Variants in TEX26 observed in about 807,000 individuals in gnomAD.
TEX26 encodes the protein testis-expressed protein 26.
In TEX26, 34 loss-of-function variants were observed where a neutral mutation model predicts 35.3. The ratio of observed to expected loss-of-function variants is 0.96; its 90% CI spans 0.73 to 1.28. The LOEUF is 1.28. Among genes scored for constraint, TEX26 ranks in the 50% most tolerant of loss-of-function variants. The pLI is 0.00. For synonymous variants in TEX26, 136 were observed against 111.8 expected (o/e 1.22, Z -1.36); for missense variants, 371 against 330.1 (o/e 1.12, Z -0.96).
chr13:30,933,396 G>C (rs1286948231), intron 1 of TEX26: 2 of 152,316 alleles, frequency 1.3e-5, no homozygotes, highest in African/African-American at 4.8e-5. Context: ...AGGTTCACCA[G>C]TTCAGCCTTT....
In TEX26 at chr13:30,939,690, T is replaced by C; in HGVS notation, c.62-4T>C. On this transcript the variant is annotated splice_polypyrimidine_tract_variant and splice_region_variant and intron_variant, in intron 1 of 6. Coordinates refer to ENST00000380473, the MANE Select transcript of TEX26 (RefSeq NM_152325.3). ...TATTTAAAACTGCTTTATTGTACTT[T>C]TAGCAGATGACCCCAACTGGGATTC... 6.2e-7 allele frequency: 1 copy of C among 1,613,200 alleles called. No homozygotes were observed. The highest frequency in any genetic ancestry group is 8.5e-7 in the Non-Finnish European group (1 of 1,179,172).
intron 6 of TEX26, among the ~76,000 whole-genome samples, chr13:30,969,840 T>G (rs536868203): frequency 1.3e-5 from 2 of 149,034 alleles, no homozygotes; most frequent in Non-Finnish European, 2.9e-5. Context: ...CAGAAGGAAG[T>G]AAAAAATATC....
At chr13:30,950,160 C>A (rs907028842) in intron 2 of TEX26, among the ~76,000 whole-genome samples, 3 of 152,214 alleles carry the variant, frequency 2.0e-5, no homozygotes, top group Non-Finnish European at 4.4e-5. Flanking sequence ...AATCCCAACA[C>A]TTTGGGAGGC....
chr13:30,951,992 T>TATTCTG (rs1245306709), intron 2 of TEX26, among the ~76,000 whole-genome samples: 7 of 144,024 alleles, frequency 4.9e-5, no homozygotes, highest in African/African-American at 1.8e-4. Context: ...ACAGAATCAT[T>TATTCTG]ATTCTGGGAT....
intron 2 of TEX26, among the ~76,000 whole-genome samples, chr13:30,950,687 T>C (rs1482097948): frequency 2.0e-5 from 3 of 152,112 alleles, no homozygotes; most frequent in East Asian, 3.9e-4. Flanking sequence ...CACACATACC[T>C]AGTACCCTGG....
At chr13:30,938,678 A>G (rs1425108656) in intron 1 of TEX26, among the ~76,000 whole-genome samples, 1 of 152,180 alleles carries the variant, frequency 6.6e-6, no homozygotes, top group Non-Finnish European at 1.5e-5. Flanking sequence ...ACATTCAAAC[A>G]ATAGCACTAC....
intron 2 of TEX26, among the ~76,000 whole-genome samples, chr13:30,947,417 T>C (rs1364782348): frequency 1.3e-5 from 2 of 152,146 alleles, no homozygotes; most frequent in African/African-American, 4.8e-5. Flanking sequence ...AGTTTTAGTA[T>C]AGCAGTGTCA....
chr13:30,948,064 T>G (rs1380090007), intron 2 of TEX26, among the ~76,000 whole-genome samples: 1 of 152,208 alleles, frequency 6.6e-6, no homozygotes, highest in African/African-American at 2.4e-5. Flanking sequence ...ACAAATGACA[T>G]GAACTCATCA....
At chr13:30,970,745 G>A (rs1437019371) in intron 6 of TEX26, among the ~76,000 whole-genome samples, 2 of 152,142 alleles carry the variant, frequency 1.3e-5, no homozygotes, top group Non-Finnish European at 2.9e-5. Context: ...GTCTCTTACT[G>A]TGTGTCAGGT....
intron 4 of TEX26, among the ~76,000 whole-genome samples, chr13:30,957,465 C>T (rs1162689775): frequency 1.3e-5 from 2 of 152,152 alleles, no homozygotes; most frequent in Non-Finnish European, 2.9e-5. Flanking sequence ...AAGGGCATTA[C>T]AGGGCATACT....
At chr13:30,945,902 G>T (rs1384738958) in intron 2 of TEX26, among the ~76,000 whole-genome samples, 1 of 151,778 alleles carries the variant, frequency 6.6e-6, no homozygotes, top group African/African-American at 2.4e-5. Context: ...CCTTCACATT[G>T]ACTTTAGACA....
intron 2 of TEX26, among the ~76,000 whole-genome samples, chr13:30,947,511 G>A (rs761051781): frequency 1.3e-4 from 20 of 151,954 alleles, no homozygotes; most frequent in Non-Finnish European, 1.9e-4. Flanking sequence ...AACTTGGTTC[G>A]GTACTCCTTA....
chr13:30,966,512 A>G (rs975459476), intron 5 of TEX26, 114 bp downstream of exon 5: 14 of 985,980 alleles, frequency 1.4e-5, no homozygotes, highest in Non-Finnish European at 1.8e-5. Context: ...ATCTTGGCTC[A>G]CTGAGATCTC....
chr13:30,940,093 A>G (rs575946900), intron 2 of TEX26, among the ~76,000 whole-genome samples: 2 of 152,270 alleles, frequency 1.3e-5, no homozygotes, highest in East Asian at 3.9e-4. Context: ...CGTGACTTGA[A>G]TCCATTCCCT....
At chr13:30,937,289 C>T (rs748840305) in intron 1 of TEX26, among the ~76,000 whole-genome samples, 2 of 152,166 alleles carry the variant, frequency 1.3e-5, no homozygotes, top group African/African-American at 2.4e-5. Context: ...CACAGAGGGG[C>T]GTGTCGTGCT....
At chr13:30,962,303 C>T (rs1038428996) in intron 4 of TEX26, among the ~76,000 whole-genome samples, 2 of 152,186 alleles carry the variant, frequency 1.3e-5, no homozygotes, top group Admixed American at 6.5e-5. Context: ...TGGTCCTGGC[C>T]GCCATGCTGC....
At chr13:30,967,813 A>G (rs1954591048) in intron 5 of TEX26, among the ~76,000 whole-genome samples, 1 of 152,224 alleles carries the variant, frequency 6.6e-6, no homozygotes, top group African/African-American at 2.4e-5. Flanking sequence ...TTCATAATCA[A>G]ATATAAGTGA....
chr13:30,954,277 T>TACACACAC (rs56003143), intron 3 of TEX26, among the ~76,000 whole-genome samples: 108 of 137,944 alleles, frequency 7.8e-4, no homozygotes, highest in African/African-American at 2.8e-3. Context: ...TATAGACCTA[T>TACACACAC]ACACACACAC....
rs560209180 is a variant in TEX26, at chr13:30,954,982, C to A, written c.313-1891C>A. Among the ~76,000 whole-genome samples, 4 of 152,244 alleles carry A rather than the reference C, an allele frequency of 2.6e-5. No individual in the cohort carries two copies. The East Asian group carries it at 7.7e-4, about 29-fold the overall frequency. On this transcript the variant is annotated intron_variant, in intron 3 of 6. Coordinates refer to ENST00000380473, the MANE Select transcript of TEX26 (RefSeq NM_152325.3). ...ATGCCAGATGGCAGCTCCTATTATT[C>A]TAGGTATTGAATATCAACAACTGCT...
Sources: allele counts gnomAD v4.1 joint callset (sites outside exome capture counted in the v4.1 genomes callset), GRCh38; gene constraint gnomAD v4.1.1; transcripts MANE v1.5; gene names NCBI Gene and HGNC (gene_info 2026-07-23, HGNC 2026-07-21).